The following LRTM3 variants were observed in gnomAD, a reference collection of about 807,000 sequenced individuals.
LRTM3 encodes leucine rich repeat transmembrane protein 3.
At chr13:102,736,457 A>G in the LRTM3 span, 1 of 1,551,102 alleles carries the variant, frequency 6.4e-7, no homozygotes, top group Non-Finnish European at 8.7e-7. Flanking sequence ...CTCTTTCTTT[A>G]CAAGGCTCTC....
At chr13:102,736,734 C>T in the LRTM3 span, 6 of 1,550,572 alleles carry the variant, frequency 3.9e-6, no homozygotes, top group East Asian at 9.8e-5. Context: ...GATTTCTCTG[C>T]CTTTACAGCT....
the LRTM3 span, chr13:102,738,743 C>T: frequency 1.3e-6 from 2 of 1,550,570 alleles, no homozygotes; most frequent in Non-Finnish European, 1.7e-6. Flanking sequence ...TTCTATTGTG[C>T]CCACTTTAGA....
the LRTM3 span, chr13:102,732,815 A>T: frequency 6.4e-7 from 1 of 1,551,296 alleles, no homozygotes; most frequent in Non-Finnish European, 8.7e-7. Flanking sequence ...TTTCTGATTC[A>T]CAGTACTATC....
the LRTM3 span, chr13:102,730,445 C>T: frequency 6.4e-7 from 1 of 1,551,206 alleles, no homozygotes; most frequent in Non-Finnish European, 8.7e-7. Context: ...AGTAGCATTT[C>T]TCTGGGTCCT....
the LRTM3 span, chr13:102,750,390 T>C: frequency 1.4e-5 from 20 of 1,443,358 alleles, no homozygotes; most frequent in Non-Finnish European, 1.8e-5. Context: ...GTGCCAACTC[T>C]GAAATATAAG....
the LRTM3 span, chr13:102,744,626 G>A: frequency 5.2e-6 from 8 of 1,550,558 alleles, no homozygotes; most frequent in African/African-American, 1.4e-5. Flanking sequence ...GGGACTCTTC[G>A]GTTCAGATCC....
chr13:102,749,409 G>A, the LRTM3 span: 2 of 1,551,190 alleles, frequency 1.3e-6, no homozygotes, highest in Non-Finnish European at 1.7e-6. Flanking sequence ...ACTAAATTTG[G>A]ATTCAGAGTT....
chr13:102,754,837 T>A, the LRTM3 span, among the ~76,000 whole-genome samples: 1 of 152,124 alleles, frequency 6.6e-6, no homozygotes, highest in African/African-American at 2.4e-5. Flanking sequence ...CAGTTGTAAA[T>A]CAATCAATGG....
the LRTM3 span, chr13:102,741,325 C>G: frequency 6.5e-7 from 1 of 1,549,590 alleles, no homozygotes; most frequent in Admixed American, 2.0e-5. Flanking sequence ...GAAGAGGGTC[C>G]TTACTGAGGA....
At chr13:102,731,704 A>G in the LRTM3 span, 7 of 1,551,246 alleles carry the variant, frequency 4.5e-6, no homozygotes, top group African/African-American at 9.6e-5. Flanking sequence ...TACTGTCTGC[A>G]ACTATTTTGA....
At chr13:102,738,879 C>T in the LRTM3 span, 1 of 1,550,724 alleles carries the variant, frequency 6.4e-7, no homozygotes. Context: ...GGCTGCTTCA[C>T]CTCCAAAGCT....
the LRTM3 span, chr13:102,739,293 C>A: frequency 6.5e-7 from 1 of 1,549,530 alleles, no homozygotes; most frequent in African/African-American, 1.4e-5. Context: ...ACATCTTTCA[C>A]ATCTACTATA....
the LRTM3 span, chr13:102,758,840 C>T: frequency 6.5e-7 from 1 of 1,549,928 alleles, no homozygotes; most frequent in Non-Finnish European, 8.7e-7. Flanking sequence ...TTTGAATAAT[C>T]CAGGACTCTA....
At chr13:102,755,940 TACA>T in the LRTM3 span, among the ~76,000 whole-genome samples, 1 of 68,604 alleles carries the variant, frequency 1.5e-5, no homozygotes, top group African/African-American at 4.7e-5. Context: ...TGTATATATA[TACA>T]TATATATATA....
At chr13:102,731,332 G>C in the LRTM3 span, 3 of 1,551,290 alleles carry the variant, frequency 1.9e-6, no homozygotes, top group East Asian at 4.9e-5. Context: ...ACCTCCAACT[G>C]TTATCTTTTG....
the LRTM3 span, chr13:102,732,250 A>T: frequency 6.4e-7 from 1 of 1,551,360 alleles, no homozygotes; most frequent in Non-Finnish European, 8.7e-7. Context: ...GCATGATGGA[A>T]ATAGAAAGAC....
chr13:102,730,197 A>G, the LRTM3 span: 2 of 1,551,018 alleles, frequency 1.3e-6, no homozygotes, highest in Middle Eastern at 1.7e-4. Flanking sequence ...TCACTGTAAA[A>G]TGATTTCAAA....
chr13:102,753,281 T>C, the LRTM3 span, among the ~76,000 whole-genome samples: 1 of 151,880 alleles, frequency 6.6e-6, no homozygotes, highest in African/African-American at 2.4e-5. Flanking sequence ...TGAGAACACA[T>C]GGACACAAGG....
chr13:102,742,537 A>G, the LRTM3 span: 1 of 1,550,608 alleles, frequency 6.4e-7, no homozygotes. Context: ...CAGATTCTGG[A>G]TTAAACTCTT....
Sources: gnomAD v4.1 joint callset for allele counts (sites outside exome capture counted in the v4.1 genomes callset) on GRCh38, gnomAD v4.1.1 for gene constraint, MANE v1.5 for transcripts, NCBI Gene and HGNC (gene_info 2026-07-23, HGNC 2026-07-21) for gene names.